CSMD3: variants seen among roughly 807,000 people sequenced by gnomAD.
The protein encoded by CSMD3 is CUB and Sushi multiple domains 3, also known as CUB and sushi domain-containing protein 3.
Under a neutral mutation model 435.2 loss-of-function variants are expected in CSMD3, and 177 were observed. That is an observed-to-expected ratio of 0.41 (90% confidence interval 0.36 to 0.46). The LOEUF (loss-of-function observed/expected upper bound fraction) is 0.46, where lower values mean the gene tolerates loss of function less well. CSMD3 is among the 20% of genes least tolerant of loss of function. The pLI is 0.34. For synonymous variants in CSMD3, 1,656 were observed against 1,520.5 expected (o/e 1.09, Z -2.07); for missense variants, 4,265 against 4,504.6 (o/e 0.95, Z 1.52).
At chr8:112,419,096 T>C (rs1812209156) in intron 32 of CSMD3, among the ~76,000 whole-genome samples, 1 of 152,188 alleles carries the variant, frequency 6.6e-6, no homozygotes, top group East Asian at 1.9e-4. Flanking sequence ...GACTGTACTA[T>C]CAAGTGAAAC....
rs2078704031 is a variant in CSMD3, at chr8:112,791,991, CT to C, written c.1972+8170del. ...ATGATGTTGAACATTTTTTCATACA[CT>C]TTCTAGCCATCTGTATCTCTTCTTT... On this transcript the variant is annotated intron_variant, in intron 13 of 70. Coordinates refer to ENST00000297405, the MANE Select transcript of CSMD3 (RefSeq NM_198123.2). Among the ~76,000 whole-genome samples, 5 of 152,224 alleles carry C rather than the reference CT, an allele frequency of 3.3e-5. No individual in the cohort carries two copies. In the South Asian group the frequency reaches 6.2e-4, roughly 19 times the overall value.
At chr8:113,170,250 T>A (rs1430835166) in intron 4 of CSMD3, among the ~76,000 whole-genome samples, 2 of 151,712 alleles carry the variant, frequency 1.3e-5, no homozygotes, top group Non-Finnish European at 1.5e-5. Flanking sequence ...GAATGACAAC[T>A]ACACACACTG....
At chr8:112,388,724 A>G (rs1266010097) in intron 36 of CSMD3, among the ~76,000 whole-genome samples, 1 of 152,190 alleles carries the variant, frequency 6.6e-6, no homozygotes, top group Non-Finnish European at 1.5e-5. Context: ...TCTGCATGTC[A>G]TCATTTATTC....
chr8:112,469,455 T>C (rs1009055546), intron 32 of CSMD3, among the ~76,000 whole-genome samples: 1 of 151,898 alleles, frequency 6.6e-6, no homozygotes. Context: ...GCACTGAGTG[T>C]ATTTGACAGA....
intron 23 of CSMD3, among the ~76,000 whole-genome samples, chr8:112,579,559 A>T (rs1272492329): frequency 1.3e-5 from 2 of 152,030 alleles, no homozygotes; most frequent in African/African-American, 2.4e-5. Flanking sequence ...TTTTAATATA[A>T]TTTAAGTTAA....
At chr8:112,523,835 A>G (rs372246271) in intron 27 of CSMD3, among the ~76,000 whole-genome samples, 2 of 152,164 alleles carry the variant, frequency 1.3e-5, no homozygotes, top group East Asian at 1.9e-4. Flanking sequence ...TTAGAATTTC[A>G]TTATGTTACT....
At chr8:112,691,961 C>T (rs111274815) in intron 13 of CSMD3, among the ~76,000 whole-genome samples, 3,777 of 151,790 alleles carry the variant, frequency 0.025, 79 homozygotes, top group East Asian at 0.074. Context: ...TGCCACCATG[C>T]CCAAGTAGTT....
At chr8:113,008,267 A>C (rs1157816175) in intron 6 of CSMD3, among the ~76,000 whole-genome samples, 1 of 151,860 alleles carries the variant, frequency 6.6e-6, no homozygotes, top group Non-Finnish European at 1.5e-5. Context: ...GAAATACAAT[A>C]ATCATAGAAA....
intron 17 of CSMD3, among the ~76,000 whole-genome samples, chr8:112,659,195 A>G (rs1482363545): frequency 6.6e-6 from 1 of 152,218 alleles, no homozygotes; most frequent in Non-Finnish European, 1.5e-5. Context: ...ATCTTTAAAA[A>G]GAAAATCATT....
At chr8:112,320,394 T>G (rs1031911692) in intron 45 of CSMD3, among the ~76,000 whole-genome samples, 1 of 152,158 alleles carries the variant, frequency 6.6e-6, no homozygotes, top group Non-Finnish European at 1.5e-5. Flanking sequence ...AAATGCTCAG[T>G]GTTTACTTTA....
At chr8:112,605,244 A>G (rs569188094) in intron 22 of CSMD3, among the ~76,000 whole-genome samples, 6 of 152,320 alleles carry the variant, frequency 3.9e-5, no homozygotes, top group African/African-American at 1.4e-4. Context: ...AAGTTAAAAT[A>G]GAACCATTAT....
intron 3 of CSMD3, among the ~76,000 whole-genome samples, chr8:113,275,177 T>C (rs1402342881): frequency 6.6e-6 from 1 of 152,070 alleles, no homozygotes; most frequent in Non-Finnish European, 1.5e-5. Context: ...CACAACACTA[T>C]GAAGTAGGGA....
intron 1 of CSMD3, among the ~76,000 whole-genome samples, chr8:113,402,891 T>A (rs1374265565): frequency 6.6e-6 from 1 of 151,272 alleles, no homozygotes; most frequent in African/African-American, 2.4e-5. Flanking sequence ...AGTAGATGAT[T>A]TATTTTTTAT....
chr8:113,104,976 C>A (rs960951042), intron 4 of CSMD3, among the ~76,000 whole-genome samples: 2 of 151,994 alleles, frequency 1.3e-5, no homozygotes, highest in African/African-American at 2.4e-5. Context: ...ACAGTTAATG[C>A]ACTGAAGAAA....
At chr8:112,474,893 T>A (rs1392880025) in intron 31 of CSMD3, among the ~76,000 whole-genome samples, 3 of 152,120 alleles carry the variant, frequency 2.0e-5, no homozygotes, top group Admixed American at 6.6e-5. Context: ...ATTAGAATTA[T>A]CTAGAAAAAA....
intron 16 of CSMD3, among the ~76,000 whole-genome samples, chr8:112,668,565 A>G (rs1156735715): frequency 2.6e-5 from 4 of 152,144 alleles, no homozygotes; most frequent in Non-Finnish European, 5.9e-5. Flanking sequence ...AGGGGTCTTT[A>G]AAGTGAAGAA....
intron 27 of CSMD3, 96 bp from the exon 28 acceptor site, chr8:112,517,321 G>T: frequency 1.2e-6 from 1 of 869,484 alleles, no homozygotes. Flanking sequence ...TAAAATTTTG[G>T]GGTCAATTTT....
At position 113,175,333 on chromosome 8, in the gene CSMD3, TA is replaced by T. The variant is rs1354676752; in HGVS notation, c.515-1418del. ...ACATCCATATATTTTAGAGAAAAAA[TA>T]TTTACTTTGAGTTTTAAAAATGTAG... On this transcript the variant is annotated intron_variant, in intron 3 of 70. Transcript: ENST00000297405. Among the ~76,000 whole-genome samples, 7 of 151,870 alleles carry T rather than the reference TA, an allele frequency of 4.6e-5. No individual in the cohort carries two copies. The East Asian group carries it at 1.4e-3, about 29-fold the overall frequency.
chr8:112,375,107 C>T (rs538140111), intron 38 of CSMD3, among the ~76,000 whole-genome samples: 2 of 152,186 alleles, frequency 1.3e-5, no homozygotes, highest in South Asian at 2.1e-4. Flanking sequence ...ATAGTAAATT[C>T]TTTCTTACAT....
Sources: allele counts gnomAD v4.1 joint callset (sites outside exome capture counted in the v4.1 genomes callset), GRCh38; gene constraint gnomAD v4.1.1; transcripts MANE v1.5; gene names NCBI Gene and HGNC (gene_info 2026-07-23, HGNC 2026-07-21).